The following TMEM132C variants were observed in gnomAD, a reference collection of about 807,000 sequenced individuals.
TMEM132C encodes transmembrane protein 132C.
TMEM132C carries 29 observed loss-of-function variants against 61.4 expected under a neutral mutation model. The observed-to-expected ratio is 0.47, with a 90% CI of 0.35 to 0.64. The LOEUF (loss-of-function observed/expected upper bound fraction) is 0.64. Ranked by LOEUF, TMEM132C falls within the 30% of genes least tolerant of loss-of-function variation. The pLI, the probability that TMEM132C is intolerant of heterozygous loss-of-function variation, is 0.00. For missense variants in TMEM132C, 1,408 were observed against 1,476.9 expected (o/e 0.95, Z 0.76); for synonymous variants, 656 against 633.1 (o/e 1.04, Z -0.54).
intron 2 of TMEM132C, among the ~76,000 whole-genome samples, chr12:128,473,368 A>G (rs375520354): frequency 8.4e-3 from 4 of 478 alleles, no homozygotes; most frequent in African/African-American, 0.029. Flanking sequence ...TCCAGCCTCT[A>G]TCTTCATCTT....
chr12:128,509,717 A>G (rs1759517140), intron 2 of TMEM132C, among the ~76,000 whole-genome samples: 1 of 152,074 alleles, frequency 6.6e-6, no homozygotes, highest in Non-Finnish European at 1.5e-5. Context: ...AGCACTGGGG[A>G]AAATTCCAGA....
At chr12:128,641,705 C>T (rs1954159013) in intron 4 of TMEM132C, among the ~76,000 whole-genome samples, 1 of 152,354 alleles carries the variant, frequency 6.6e-6, no homozygotes, top group Admixed American at 6.5e-5. Flanking sequence ...GAATAAACTT[C>T]TGTTACTCAA....
At chr12:128,405,043 G>T (rs10847610) in intron 1 of TMEM132C, among the ~76,000 whole-genome samples, 105,956 of 151,656 alleles carry the variant, frequency 0.7, 38,212 homozygotes, top group East Asian at 0.92. Context: ...GTCTCCCGTG[G>T]CCGTAGGAAA....
intron 2 of TMEM132C, among the ~76,000 whole-genome samples, chr12:128,426,327 C>T (rs76406635): frequency 6.6e-6 from 1 of 152,192 alleles, no homozygotes; most frequent in African/African-American, 2.4e-5. Flanking sequence ...GCATTGTCCA[C>T]ATACCTGGCT....
At chr12:128,289,290 GCA>G (rs374283318) in intron 1 of TMEM132C, among the ~76,000 whole-genome samples, 1 of 152,048 alleles carries the variant, frequency 6.6e-6, no homozygotes, top group Non-Finnish European at 1.5e-5. Flanking sequence ...GCTCATGTGC[GCA>G]CACACACACA....
intron 3 of TMEM132C, among the ~76,000 whole-genome samples, chr12:128,580,041 C>T (rs1875271101): frequency 6.6e-6 from 1 of 152,178 alleles, no homozygotes; most frequent in Non-Finnish European, 1.5e-5. Context: ...TCCAGAAAGA[C>T]ACAGGTTCAA....
At chr12:128,459,072 C>G (rs1008883878) in intron 2 of TMEM132C, among the ~76,000 whole-genome samples, 6 of 152,172 alleles carry the variant, frequency 3.9e-5, no homozygotes, top group African/African-American at 1.4e-4. Flanking sequence ...GTTATTACAA[C>G]TGGATTTAGA....
At chr12:128,696,962 A>G (rs939778887) in intron 7 of TMEM132C, among the ~76,000 whole-genome samples, 2 of 152,230 alleles carry the variant, frequency 1.3e-5, no homozygotes, top group African/African-American at 4.8e-5. Context: ...AGGAGGGGTC[A>G]TTCCCTTTTA....
intron 1 of TMEM132C, among the ~76,000 whole-genome samples, chr12:128,357,733 G>A (rs1873561207): frequency 1.3e-5 from 2 of 150,320 alleles, no homozygotes; most frequent in Admixed American, 1.3e-4. Flanking sequence ...GCCCAAAGAA[G>A]CAAATATTCC....
At chr12:128,589,252 C>T (rs1213251628) in intron 3 of TMEM132C, among the ~76,000 whole-genome samples, 3 of 150,808 alleles carry the variant, frequency 2.0e-5, no homozygotes, top group Non-Finnish European at 2.9e-5. Context: ...GAGGCCCCTC[C>T]ACCAGCCACC....
intron 2 of TMEM132C, among the ~76,000 whole-genome samples, chr12:128,462,816 G>T (rs1233238151): frequency 6.6e-6 from 1 of 152,158 alleles, no homozygotes; most frequent in Non-Finnish European, 1.5e-5. Context: ...AAGAAGATGA[G>T]AGCCCCAGTG....
At chr12:128,582,885 C>T (rs1033636880) in intron 3 of TMEM132C, among the ~76,000 whole-genome samples, 8 of 152,142 alleles carry the variant, frequency 5.3e-5, no homozygotes, top group Non-Finnish European at 7.3e-5. Flanking sequence ...AGCGATCCTC[C>T]CACCTCGGCC....
chr12:128,520,698 G>GC (rs1872878260), intron 2 of TMEM132C, among the ~76,000 whole-genome samples: 1 of 152,192 alleles, frequency 6.6e-6, no homozygotes, highest in Non-Finnish European at 1.5e-5. Context: ...AAGAATTAAA[G>GC]CAAGAGGAGA....
At position 128,447,828 on chromosome 12, in the gene TMEM132C, G is replaced by A. The variant is rs912893455; in HGVS notation, c.974+32208G>A. On this transcript the variant is annotated intron_variant, in intron 2 of 8. Transcript: ENST00000435159. ...TGCAAGCTCCGCCTCCCGGGTTCAC[G>A]CCATTCTCCTGCCTCAGCCTCCAGA... Among the ~76,000 whole-genome samples, 12 of 115,326 alleles carry A rather than the reference G, an allele frequency of 1.0e-4. 2 individuals carry two copies. The highest frequency in any genetic ancestry group is 8.5e-4 in the South Asian group (3 of 3,516). 75.7% of individuals were successfully genotyped at this position (115,326 alleles called of 152,430 possible).
chr12:128,559,997 CAGCACTTTGGG>C (rs1190998322), intron 3 of TMEM132C, among the ~76,000 whole-genome samples: 1 of 152,218 alleles, frequency 6.6e-6, no homozygotes, highest in African/African-American at 2.4e-5. Context: ...CCTATAATCC[CAGCACTTTGGG>C]AGGCTGAGGC....
intron 1 of TMEM132C, among the ~76,000 whole-genome samples, chr12:128,364,964 C>T (rs540646011): frequency 6.6e-6 from 1 of 152,342 alleles, no homozygotes; most frequent in South Asian, 2.1e-4. Context: ...CAGCCATCTG[C>T]GGGTAAGGAG....
intron 1 of TMEM132C, among the ~76,000 whole-genome samples, chr12:128,405,772 A>G (rs903637053): frequency 7.9e-5 from 12 of 152,218 alleles, no homozygotes; most frequent in Non-Finnish European, 1.2e-4. Context: ...CAGTGCATAC[A>G]TTATCTGGTT....
rs182960149 is a variant in TMEM132C, at chr12:128,303,403, C to T, written c.85+35916C>T. Among the ~76,000 whole-genome samples the T allele has an allele frequency of 1.6e-3, 244 of 152,252 alleles. 3 individuals are homozygous for T. Among genetic ancestry groups the T allele is most frequent in the Non-Finnish European group, 4.6e-4 (31 of 68,022 alleles). On this transcript the variant is annotated intron_variant, in intron 1 of 8. Coordinates refer to ENST00000435159, the MANE Select transcript of TMEM132C (RefSeq NM_001136103.3). ...ATAGTAAAGCAATGTAGGGATCCAT[C>T]GTGACTGAGCCTGATTCCAAAGTTT...
chr12:128,349,466 A>G (rs1017005937), intron 1 of TMEM132C, among the ~76,000 whole-genome samples: 5 of 152,182 alleles, frequency 3.3e-5, no homozygotes, highest in Non-Finnish European at 7.3e-5. Flanking sequence ...TATGTCTTGG[A>G]TCACGGGGGT....
Sources: allele counts gnomAD v4.1 joint callset (sites outside exome capture counted in the v4.1 genomes callset), GRCh38; gene constraint gnomAD v4.1.1; transcripts MANE v1.5; gene names NCBI Gene and HGNC (gene_info 2026-07-23, HGNC 2026-07-21).